Variants in IL1RAPL1 observed in about 807,000 individuals in gnomAD.
IL1RAPL1 encodes the protein interleukin-1 receptor accessory protein-like 1.
In IL1RAPL1, 3 loss-of-function variants were observed where a neutral mutation model predicts 48.4. The ratio of observed to expected loss-of-function variants is 0.06; its 90% CI spans 0.03 to 0.16. IL1RAPL1 has a LOEUF of 0.16. Among genes scored for constraint, IL1RAPL1 ranks in the 10% least tolerant of loss-of-function variants. IL1RAPL1 has a pLI of 1.00. For synonymous variants in IL1RAPL1, 185 were observed against 187.7 expected, an observed-to-expected ratio of 0.99 and a Z score of 0.12; for missense variants, 349 against 530.6, an observed-to-expected ratio of 0.66 and a Z score of 3.36.
At chrX:28,888,784 T>C (rs1016863184) in intron 2 of IL1RAPL1, among the ~76,000 whole-genome samples, 67 of 111,959 alleles carry the variant, frequency 6.0e-4, no homozygotes, top group African/African-American at 2.1e-3. Context: ...TTCTGTTGTA[T>C]AACAATCTCA....
intron 5 of IL1RAPL1, among the ~76,000 whole-genome samples, chrX:29,622,839 C>G (rs1161923347): frequency 9.0e-6 from 1 of 111,041 alleles, no homozygotes; most frequent in Non-Finnish European, 1.9e-5. Context: ...TTTATTGTAC[C>G]ACACACTTGA....
chrX:28,712,594 A>G (rs1935453960), intron 1 of IL1RAPL1, among the ~76,000 whole-genome samples: 1 of 111,701 alleles, frequency 9.0e-6, no homozygotes, highest in Non-Finnish European at 1.9e-5. Flanking sequence ...GATGTCTTGA[A>G]GAAGAGTAGT....
chrX:28,596,469 C>G (rs961564317), intron 1 of IL1RAPL1, among the ~76,000 whole-genome samples: 8 of 109,837 alleles, frequency 7.3e-5, no homozygotes, highest in African/African-American at 2.7e-4. Context: ...GCAAAGGTCC[C>G]TCCCTACAGA....
intron 6 of IL1RAPL1, among the ~76,000 whole-genome samples, chrX:29,741,839 C>T (rs1365246455): frequency 1.9e-5 from 2 of 103,253 alleles, no homozygotes; most frequent in African/African-American, 7.1e-5. Context: ...GCAGGAGAAT[C>T]GCCTGAACCT....
At chrX:29,262,618 G>A (rs150919369) in intron 2 of IL1RAPL1, among the ~76,000 whole-genome samples, 65 of 108,063 alleles carry the variant, frequency 6.0e-4, no homozygotes, top group South Asian at 2.5e-3. Flanking sequence ...AGCTGAGATC[G>A]CGCCACTGAA....
intron 2 of IL1RAPL1, among the ~76,000 whole-genome samples, chrX:28,859,588 A>C (rs1921889971): frequency 9.0e-6 from 1 of 110,686 alleles, no homozygotes; most frequent in Non-Finnish European, 1.9e-5. Context: ...TACGTATTTC[A>C]AAATCTCTCC....
At chrX:29,426,751 A>G (rs946171354) in intron 5 of IL1RAPL1, among the ~76,000 whole-genome samples, 16 of 111,426 alleles carry the variant, frequency 1.4e-4, no homozygotes, top group African/African-American at 4.9e-4. Context: ...ATGAAATCAT[A>G]CTCTCTTTCT....
At chrX:28,737,207 CTT>C (rs1171637034) in intron 1 of IL1RAPL1, among the ~76,000 whole-genome samples, 13 of 30,603 alleles carry the variant, frequency 4.2e-4, no homozygotes, top group Admixed American at 1.4e-3. Flanking sequence ...CTTTCTTTCT[CTT>C]TCTTTCTTTC....
At chrX:29,716,227 C>T (rs188582032) in intron 6 of IL1RAPL1, among the ~76,000 whole-genome samples, 3 of 111,177 alleles carry the variant, frequency 2.7e-5, no homozygotes, top group Admixed American at 1.9e-4. Context: ...GGAAAGAGAT[C>T]GATCACTAGA....
chrX:29,291,662 T>G lies in IL1RAPL1; in HGVS notation c.362+8445T>G, dbSNP rs181369814. Reference sequence around the variant, plus strand: ...TTAATTAGGGCTCAGTTCTGGTTACTGGAAGTGGTTCTCTGATATTCTTGG... The same window carrying G: ...TTAATTAGGGCTCAGTTCTGGTTACGGGAAGTGGTTCTCTGATATTCTTGG... On this transcript the variant is annotated intron_variant, in intron 3 of 10. Transcript: ENST00000378993. 5.9e-4 allele frequency among the ~76,000 whole-genome samples: 66 copies of G among 111,849 alleles called. No homozygotes were observed. The Admixed American group carries it at 6.3e-3, about 11-fold the overall frequency.
chrX:29,902,257 T>C (rs961849848), intron 6 of IL1RAPL1, among the ~76,000 whole-genome samples: 1 of 111,102 alleles, frequency 9.0e-6, no homozygotes, highest in Non-Finnish European at 1.9e-5. Flanking sequence ...GGGTGTTAAA[T>C]GTTTGATGTT....
chrX:29,261,252 T>C (rs1452125294), intron 2 of IL1RAPL1, among the ~76,000 whole-genome samples: 2 of 111,221 alleles, frequency 1.8e-5, no homozygotes, highest in Non-Finnish European at 3.8e-5. Context: ...TGCTGTGATT[T>C]TTTTTAAAAC....
chrX:28,840,125 AGGCACTT>A (rs200253444), intron 2 of IL1RAPL1, among the ~76,000 whole-genome samples: 1,203 of 110,732 alleles, frequency 0.011, 27 homozygotes, highest in African/African-American at 0.037. Context: ...CAATGGAAAC[AGGCACTT>A]TATATAGGAG....
intron 2 of IL1RAPL1, among the ~76,000 whole-genome samples, chrX:29,129,785 G>A (rs1050953398): frequency 3.4e-4 from 37 of 108,370 alleles, no homozygotes; most frequent in Non-Finnish European, 6.5e-4. Context: ...TAGTAGAGAC[G>A]GGGTTTTGCT....
At chrX:29,269,082 A>G (rs1024970386) in intron 2 of IL1RAPL1, among the ~76,000 whole-genome samples, 5 of 112,182 alleles carry the variant, frequency 4.5e-5, no homozygotes, top group African/African-American at 1.6e-4. Context: ...TTCCTCTTTA[A>G]AGCTATTTAT....
At chrX:29,303,379 T>A (rs7060168) in intron 3 of IL1RAPL1, among the ~76,000 whole-genome samples, 4,494 of 111,698 alleles carry the variant, frequency 0.04, 251 homozygotes, top group African/African-American at 0.14. Flanking sequence ...TAGACAGATG[T>A]TGATGATGTA....
chrX:29,386,355 A>G (rs1933777763), intron 3 of IL1RAPL1, among the ~76,000 whole-genome samples: 1 of 110,562 alleles, frequency 9.0e-6, no homozygotes, highest in South Asian at 3.8e-4. Context: ...GATAATACCC[A>G]TCCCAGTGTT....
chrX:29,110,115 GAAC>G (rs1443045886), intron 2 of IL1RAPL1, among the ~76,000 whole-genome samples: 4 of 111,589 alleles, frequency 3.6e-5, no homozygotes, highest in South Asian at 3.7e-4. Context: ...ATTTAAGCCT[GAAC>G]AACAACAACA....
chrX:28,795,024 A>G (rs888719082), intron 2 of IL1RAPL1, among the ~76,000 whole-genome samples: 4 of 111,270 alleles, frequency 3.6e-5, no homozygotes, highest in Non-Finnish European at 7.5e-5. Context: ...GCCTTTTATT[A>G]TGTTACCATG....
Sources: allele counts gnomAD v4.1 joint callset (sites outside exome capture counted in the v4.1 genomes callset), GRCh38; gene constraint gnomAD v4.1.1; transcripts MANE v1.5; gene names NCBI Gene and HGNC (gene_info 2026-07-23, HGNC 2026-07-21).